Variants in NID2 observed in about 807,000 individuals in gnomAD.
NID2 encodes the protein nidogen 2, also known as nidogen-2.
NID2 carries 83 observed loss-of-function variants against 145.4 expected under a neutral mutation model. The observed-to-expected ratio is 0.57, with a 90% CI of 0.48 to 0.69. The LOEUF (loss-of-function observed/expected upper bound fraction) is 0.69, where lower values mean the gene tolerates loss of function less well. Among genes scored for constraint, NID2 ranks in the 30% least tolerant of loss-of-function variants. The pLI is 0.00. For synonymous variants in NID2, 739 were observed against 701.3 expected (o/e 1.05, Z -0.85); for missense variants, 1,807 against 1,765.7 (o/e 1.02, Z -0.42).
intron 12 of NID2, among the ~76,000 whole-genome samples, chr14:52,024,573 C>T (rs942659382): frequency 4.9e-4 from 74 of 152,156 alleles, no homozygotes; most frequent in African/African-American, 1.7e-3. Flanking sequence ...CTGAGCCATT[C>T]CCAGGTCCCT....
At chr14:52,014,578 G>A in intron 15 of NID2, 122 bp from the exon 16 acceptor site, 3 of 978,784 alleles carry the variant, frequency 3.1e-6, no homozygotes, top group Non-Finnish European at 4.5e-6. Flanking sequence ...GCCCTACGCA[G>A]ATGTGCTCCA....
At chr14:52,032,545 C>CA (rs1891905177) in intron 9 of NID2, among the ~76,000 whole-genome samples, 1 of 150,546 alleles carries the variant, frequency 6.6e-6, no homozygotes, top group Non-Finnish European at 1.5e-5. Flanking sequence ...GTCATGTCTT[C>CA]ATCCATTAGG....
intron 11 of NID2, among the ~76,000 whole-genome samples, chr14:52,027,707 TAA>T (rs1891641662): frequency 6.7e-6 from 1 of 150,364 alleles, no homozygotes; most frequent in African/African-American, 2.5e-5. Flanking sequence ...CCCACTGAAT[TAA>T]AGAGTGCATT....
At position 52,068,223 on chromosome 14, in the gene NID2, C is replaced by G. The variant is rs1241625441; in HGVS notation, c.229-60G>C. Reference sequence around the variant, plus strand: ...CTCAAGCCCAAGGACGCTACCCTTTCGCGCAGGGAGGGAAGGGAACTGACT... The same window carrying G: ...CTCAAGCCCAAGGACGCTACCCTTTGGCGCAGGGAGGGAAGGGAACTGACT... On this transcript the variant is annotated intron_variant, in intron 1 of 21. Transcript: ENST00000216286. The G allele has an allele frequency of 5.2e-5, 79 of 1,511,704 alleles. 1 individual carries two copies. The highest frequency in any genetic ancestry group is 7.2e-5 in the Non-Finnish European group (79 of 1,094,826). The allele number at this position is 1,511,704 out of a possible 1,614,324, so 93.6% of individuals were successfully genotyped here.
chr14:52,064,181 C>T (rs1170934267), intron 2 of NID2, among the ~76,000 whole-genome samples: 1 of 152,212 alleles, frequency 6.6e-6, no homozygotes, highest in Non-Finnish European at 1.5e-5. Flanking sequence ...TGACTATCAA[C>T]CTTTGAACCA....
In NID2 at chr14:52,020,085, T is replaced by C. The variant is rs202212961; in HGVS notation, c.2768A>G (p.Tyr923Cys). Residue 923 changes from tyrosine (Y) to cysteine (C), a missense_variant, in exon 13 of 22, where the codon TAT becomes TGT. Coordinates refer to ENST00000216286, the MANE Select transcript of NID2 (RefSeq NM_007361.4). The part of the protein sequence containing the change: ...SFSCRCQPGY[Y>C]GDGFQCIPDS... ...AGGTATGCACTGAAATCCATCCCCATAATATCCGGGTTGACAACGGCAGGA... is the reference window on the plus strand; with the variant it reads ...AGGTATGCACTGAAATCCATCCCCACAATATCCGGGTTGACAACGGCAGGA... 6.2e-7 allele frequency: 1 copy of C among 1,614,072 alleles called. No homozygotes were observed. Among genetic ancestry groups the C allele is most frequent in the Non-Finnish European group, 8.5e-7 (1 of 1,179,938 alleles).
Position 52,030,567 on chromosome 14 carries a change from A to AAGAAAGAAAGAAC in NID2, c.2258-878_2258-877insGTTCTTTCTTTCT, listed in dbSNP as rs1185429260. On this transcript the variant is annotated intron_variant, in intron 9 of 21. Transcript: ENST00000216286. The stretch of plus-strand genomic sequence containing the variant: ...AAGAAAGAAAGAAAGAAAGAAAGAA[A>AAGAAAGAAAGAAC]GGAAGGAAGGGAAAGAAAGAAAGAA... Among the ~76,000 whole-genome samples the AAGAAAGAAAGAAC allele has an allele frequency of 7.7e-4, 76 of 99,314 alleles. 2 individuals are homozygous for AAGAAAGAAAGAAC. The highest frequency in any genetic ancestry group is 3.1e-3 in the South Asian group (8 of 2,610). 65.2% of individuals were successfully genotyped at this position (99,314 alleles called of 152,430 possible).
chr14:52,043,130 C>T (rs972894561), intron 5 of NID2, among the ~76,000 whole-genome samples, 199 bp from the exon 6 acceptor site: 1 of 152,148 alleles, frequency 6.6e-6, no homozygotes, highest in Admixed American at 6.5e-5. Flanking sequence ...TTACTGCTCC[C>T]GGCTGGGTCC....
chr14:52,031,312 C>T (rs537885330), intron 9 of NID2, among the ~76,000 whole-genome samples: 9 of 152,232 alleles, frequency 5.9e-5, no homozygotes, highest in Non-Finnish European at 1.3e-4. Flanking sequence ...CCCAACAGAA[C>T]ATATTTGAAA....
chr14:52,024,209 C>G (rs934160124), intron 12 of NID2, among the ~76,000 whole-genome samples: 1 of 152,198 alleles, frequency 6.6e-6, no homozygotes, highest in African/African-American at 2.4e-5. Flanking sequence ...CAGTCCCTAC[C>G]TAGTGGTATT....
At chr14:52,046,661 T>G (rs1158118257) in intron 5 of NID2, among the ~76,000 whole-genome samples, 2 of 152,214 alleles carry the variant, frequency 1.3e-5, no homozygotes. Flanking sequence ...CTGTACTACA[T>G]TTTTCTATTA....
rs867209915 is a variant in NID2, at chr14:52,054,494, G to C, written c.768-173C>G. On this transcript the variant is annotated intron_variant, in intron 3 of 21. Transcript: ENST00000216286. Reference sequence around the variant, plus strand: ...AAGTAGGAGGATGACTTAAGCCCAGGAGTTTGAGACCAGTCTAGGCAACAT... The same window carrying C: ...AAGTAGGAGGATGACTTAAGCCCAGCAGTTTGAGACCAGTCTAGGCAACAT... Among the ~76,000 whole-genome samples the C allele has an allele frequency of 2.0e-5, 3 of 152,304 alleles. No homozygotes were observed. The South Asian group carries it at 6.2e-4, about 32-fold the overall frequency.
intron 9 of NID2, among the ~76,000 whole-genome samples, chr14:52,031,991 G>A (rs1053986657): frequency 2.6e-5 from 4 of 152,212 alleles, no homozygotes; most frequent in African/African-American, 7.2e-5. Flanking sequence ...GCTGACTGCT[G>A]CAGCTGACCT....
intron 3 of NID2, among the ~76,000 whole-genome samples, chr14:52,055,209 C>T (rs1892806649): frequency 6.6e-6 from 1 of 152,176 alleles, no homozygotes; most frequent in Non-Finnish European, 1.5e-5. Context: ...ACATAACAAA[C>T]AATTGGATCC....
intron 3 of NID2, among the ~76,000 whole-genome samples, chr14:52,058,686 T>C (rs1048990558): frequency 6.6e-6 from 1 of 152,144 alleles, no homozygotes; most frequent in African/African-American, 2.4e-5. Flanking sequence ...GTCTCCTGTG[T>C]AGATGCCAGC....
intron 5 of NID2, 147 bp from the exon 6 acceptor site, chr14:52,043,078 C>T: frequency 1.4e-6 from 1 of 738,276 alleles, no homozygotes; most frequent in Middle Eastern, 3.1e-4. Flanking sequence ...ACATTCAACC[C>T]AAGGGAATTA....
At chr14:52,016,854 G>A (rs541246913) in intron 14 of NID2, among the ~76,000 whole-genome samples, 25 of 152,278 alleles carry the variant, frequency 1.6e-4, no homozygotes, top group South Asian at 1.0e-3. Flanking sequence ...ATTCCTCTTG[G>A]AACACAAAAG....
Position 52,068,857 on chromosome 14 carries a change from C to A in NID2, c.138G>T (p.Gln46His), listed in dbSNP as rs540369228. ...TTTCGTCGTCGCCTTCCTGCAGGAGCTGGTCCCCCCACGACTCCCCGTGTG... is the reference window on the plus strand; with the variant it reads ...TTTCGTCGTCGCCTTCCTGCAGGAGATGGTCCCCCCACGACTCCCCGTGTG... ...LFPHGESWGD[Q>H]LLQEGDDESS... Residue 46 changes from glutamine (Q) to histidine (H), a missense_variant, in exon 1 of 22, where the codon CAG (glutamine) becomes CAT (histidine). By Grantham distance (24) the Gln-to-His change is conservative (BLOSUM62 0). Transcript: ENST00000216286. 1.2e-6 allele frequency: 2 copies of A among 1,613,714 alleles called. No individual in the cohort carries two copies. Among genetic ancestry groups the A allele is most frequent in the Non-Finnish European group, 1.7e-6 (2 of 1,180,032 alleles).
intron 9 of NID2, among the ~76,000 whole-genome samples, chr14:52,031,009 A>G (rs920050787): frequency 6.6e-6 from 1 of 152,246 alleles, no homozygotes; most frequent in Non-Finnish European, 1.5e-5. Context: ...AGAGAGGCCA[A>G]ATAACCTGCC....
Sources: gnomAD v4.1 joint callset for allele counts (sites outside exome capture counted in the v4.1 genomes callset) on GRCh38, gnomAD v4.1.1 for gene constraint, MANE v1.5 for transcripts, NCBI Gene and HGNC (gene_info 2026-07-23, HGNC 2026-07-21) for gene names.